DNER: variants seen among roughly 807,000 people sequenced by gnomAD.
DNER encodes the protein delta/notch like EGF repeat containing, also known as delta and Notch-like epidermal growth factor-related receptor.
In DNER, 33 loss-of-function variants were observed where a neutral mutation model predicts 78.2. That is an observed-to-expected ratio of 0.42 (90% confidence interval 0.32 to 0.56). DNER has a LOEUF of 0.56. Among genes scored for constraint, DNER ranks in the 20% least tolerant of loss-of-function variants. The probability of loss-of-function intolerance (pLI) is 0.11; values close to 1 mark genes in which losing one functional copy is unlikely to be tolerated. For synonymous variants in DNER, 417 were observed against 384.8 expected (o/e 1.08, Z -0.98); for missense variants, 918 against 975.3 (o/e 0.94, Z 0.78).
intron 1 of DNER, among the ~76,000 whole-genome samples, chr2:229,676,339 G>C (rs1014299950): frequency 1.3e-5 from 2 of 152,152 alleles, no homozygotes; most frequent in African/African-American, 2.4e-5. Context: ...GAGATCCCAG[G>C]CAAGTTACTC....
At chr2:229,609,285 T>G (rs1292472531) in intron 1 of DNER, among the ~76,000 whole-genome samples, 1 of 152,198 alleles carries the variant, frequency 6.6e-6, no homozygotes, top group African/African-American at 2.4e-5. Context: ...TCCAGGCATT[T>G]CTGTAGCCCA....
intron 1 of DNER, among the ~76,000 whole-genome samples, chr2:229,699,292 T>A: frequency 6.6e-6 from 1 of 152,328 alleles, no homozygotes; most frequent in Non-Finnish European, 1.5e-5. Context: ...ATTAAAAATA[T>A]TTAAATATGA....
chr2:229,485,394 G>A (rs986759961), intron 6 of DNER, among the ~76,000 whole-genome samples: 1 of 152,188 alleles, frequency 6.6e-6, no homozygotes, highest in African/African-American at 2.4e-5. Flanking sequence ...TCATCAGTGG[G>A]TGTTCACAGA....
intron 1 of DNER, among the ~76,000 whole-genome samples, chr2:229,593,201 CCTT>C (rs1314650262): frequency 6.6e-6 from 1 of 152,160 alleles, no homozygotes; most frequent in African/African-American, 2.4e-5. Context: ...AATCCAAACT[CCTT>C]CTTCGGCAGA....
chr2:229,645,437 A>G (rs1559193971), intron 1 of DNER, among the ~76,000 whole-genome samples: 1 of 152,206 alleles, frequency 6.6e-6, no homozygotes, highest in Non-Finnish European at 1.5e-5. Flanking sequence ...ATCCCTCTCA[A>G]TCTGTTCTTC....
chr2:229,578,274 G>A (rs1309617711), intron 4 of DNER, among the ~76,000 whole-genome samples: 1 of 152,060 alleles, frequency 6.6e-6, no homozygotes, highest in East Asian at 1.9e-4. Context: ...CTTCCACAGG[G>A]AGCCAGGTCC....
At chr2:229,436,281 C>A (rs373154567) in intron 8 of DNER, among the ~76,000 whole-genome samples, 1 of 152,130 alleles carries the variant, frequency 6.6e-6, no homozygotes, top group Admixed American at 6.5e-5. Flanking sequence ...GACATGATCC[C>A]CTGCTTTTTC....
intron 8 of DNER, among the ~76,000 whole-genome samples, chr2:229,420,557 C>T (rs1693743228): frequency 6.6e-6 from 1 of 152,100 alleles, no homozygotes; most frequent in South Asian, 2.1e-4. Context: ...ACTTCCAGGC[C>T]TTACATCTAA....
chr2:229,643,104 C>A (rs887358292), intron 1 of DNER, among the ~76,000 whole-genome samples: 2 of 152,100 alleles, frequency 1.3e-5, no homozygotes, highest in Admixed American at 6.5e-5. Flanking sequence ...TTACTCCCAC[C>A]TACTCAGGAG....
intron 7 of DNER, among the ~76,000 whole-genome samples, chr2:229,456,365 A>G (rs1694573288): frequency 2.6e-5 from 4 of 151,618 alleles, no homozygotes; most frequent in Admixed American, 2.6e-4. Context: ...CCCACCTCCA[A>G]CACTGGGAAT....
At chr2:229,359,320 C>T (rs866665360) in intron 12 of DNER, among the ~76,000 whole-genome samples, 1 of 152,154 alleles carries the variant, frequency 6.6e-6, no homozygotes, top group Non-Finnish European at 1.5e-5. Context: ...AAAATTGCCT[C>T]GACAGCAGGA....
intron 7 of DNER, among the ~76,000 whole-genome samples, chr2:229,467,275 G>T (rs1481646430): frequency 1.3e-5 from 2 of 152,132 alleles, no homozygotes; most frequent in African/African-American, 4.8e-5. Context: ...TTAAAAATGG[G>T]CTAAATGAAC....
chr2:229,426,301 C>T (rs1298362544), intron 8 of DNER, among the ~76,000 whole-genome samples: 1 of 151,794 alleles, frequency 6.6e-6, no homozygotes, highest in Non-Finnish European at 1.5e-5. Flanking sequence ...ATTAGCTGGG[C>T]GTGGTGGCGG....
chr2:229,596,039 A>T (rs1472647715), intron 1 of DNER, among the ~76,000 whole-genome samples: 2 of 152,026 alleles, frequency 1.3e-5, no homozygotes, highest in Non-Finnish European at 2.9e-5. Flanking sequence ...AAATTATTTA[A>T]TACATTCATT....
chr2:229,395,830 G>A (rs144332801), intron 10 of DNER, among the ~76,000 whole-genome samples: 34 of 152,246 alleles, frequency 2.2e-4, no homozygotes, highest in Admixed American at 2.1e-3. Context: ...CCGGAGAGGC[G>A]GAGGTTGCAG....
intron 7 of DNER, among the ~76,000 whole-genome samples, chr2:229,469,814 G>A (rs1056530608): frequency 4.6e-5 from 7 of 152,136 alleles, no homozygotes; most frequent in Admixed American, 1.3e-4. Context: ...ATGGTGGTGG[G>A]TGCCTGTAAT....
chr2:229,554,549 G>C (rs550362962), intron 4 of DNER, among the ~76,000 whole-genome samples: 1 of 152,286 alleles, frequency 6.6e-6, no homozygotes, highest in East Asian at 1.9e-4. Flanking sequence ...AAAATCAGCA[G>C]GGCATCATGG....
intron 11 of DNER, among the ~76,000 whole-genome samples, chr2:229,387,626 T>A (rs1365889493): frequency 6.6e-6 from 1 of 151,880 alleles, no homozygotes; most frequent in Non-Finnish European, 1.5e-5. Flanking sequence ...TCCATGTTAG[T>A]TCTCATTTTT....
At chr2:229,671,804 C>T (rs1481024274) in intron 1 of DNER, among the ~76,000 whole-genome samples, 3 of 152,138 alleles carry the variant, frequency 2.0e-5, no homozygotes, top group Admixed American at 6.5e-5. Flanking sequence ...GCTTCATGGT[C>T]TATTATTCGT....
Sources: gnomAD v4.1 joint callset for allele counts (sites outside exome capture counted in the v4.1 genomes callset) on GRCh38, gnomAD v4.1.1 for gene constraint, MANE v1.5 for transcripts, NCBI Gene and HGNC (gene_info 2026-07-23, HGNC 2026-07-21) for gene names.